SLC25A18: variants seen among roughly 807,000 people sequenced by gnomAD.
SLC25A18 encodes mitochondrial glutamate carrier 2.
In SLC25A18, 24 loss-of-function variants were observed where a neutral mutation model predicts 31.1. That is an observed-to-expected ratio of 0.77 (90% CI 0.56 to 1.08). The LOEUF (loss-of-function observed/expected upper bound fraction) is 1.08, where lower values mean the gene tolerates loss of function less well. SLC25A18 is among the 50% of genes least tolerant of loss of function. The pLI is 0.00. For synonymous variants in SLC25A18, 173 were observed against 161.9 expected, an observed-to-expected ratio of 1.07 and a Z score of -0.52; for missense variants, 371 against 418.5, an observed-to-expected ratio of 0.89 and a Z score of 0.99.
chr22:17,579,745 G>C lies in SLC25A18; in HGVS notation c.-200G>C, dbSNP rs55824102. On this transcript the variant is annotated splice_region_variant and 5_prime_UTR_variant, in exon 3 of 11. Coordinates refer to ENST00000327451, the MANE Select transcript of SLC25A18 (RefSeq NM_031481.3). ...GAGTGTTTCTCTGACTACTTTGCAG[G>C]GGAGGAAGCCGCAGCCCAAGGAGGT... 22,130 of 1,387,776 alleles carry C rather than the reference G, an allele frequency of 0.016. 221 individuals carry two copies. Among genetic ancestry groups the C allele is most frequent in the Non-Finnish European group, 0.018 (19,411 of 1,072,356 alleles). The allele number at this position is 1,387,776 out of a possible 1,614,324, so 86.0% of individuals were successfully genotyped here.
At chr22:17,586,966 C>T (rs1040116257) in intron 7 of SLC25A18, among the ~76,000 whole-genome samples, 170 bp from the exon 8 acceptor site, 2 of 152,174 alleles carry the variant, frequency 1.3e-5, no homozygotes, top group Non-Finnish European at 2.9e-5. Context: ...GGAAGACGTC[C>T]TCAGAGCCAA....
At chr22:17,585,598 G>A (rs1021430417) in intron 7 of SLC25A18, among the ~76,000 whole-genome samples, 83 of 151,292 alleles carry the variant, frequency 5.5e-4, no homozygotes, top group African/African-American at 1.8e-3. Context: ...GGTTATTAAT[G>A]GGGCTCACAA....
In SLC25A18 at chr22:17,566,702, G is replaced by A. The variant is rs574364522; in HGVS notation, c.-264+2989G>A. ...GCTGGGATTACAGGCCCGAGCCACC[G>A]TGCCTGGCCCAGCCTGTCATTTTCT... On this transcript the variant is annotated intron_variant, in intron 1 of 10. Coordinates refer to ENST00000327451, the MANE Select transcript of SLC25A18 (RefSeq NM_031481.3). Among the ~76,000 whole-genome samples the A allele has an allele frequency of 1.3e-4, 20 of 152,206 alleles. No homozygotes were observed. In the South Asian group the frequency reaches 3.5e-3, roughly 27 times the overall value.
At chr22:17,576,711 G>A (rs927001240) in intron 2 of SLC25A18, among the ~76,000 whole-genome samples, 1 of 152,164 alleles carries the variant, frequency 6.6e-6, no homozygotes, top group East Asian at 1.9e-4. Context: ...ATAGGCCTGC[G>A]AAAGGGAACT....
intron 1 of SLC25A18, among the ~76,000 whole-genome samples, chr22:17,567,926 G>A (rs2146204049): frequency 6.6e-6 from 1 of 152,154 alleles, no homozygotes; most frequent in Non-Finnish European, 1.5e-5. Flanking sequence ...TGTCACGAGA[G>A]TATACTGAAC....
At chr22:17,567,622 A>G (rs2056970810) in intron 1 of SLC25A18, among the ~76,000 whole-genome samples, 2 of 84,432 alleles carry the variant, frequency 2.4e-5, no homozygotes, top group South Asian at 8.2e-4. Context: ...CCCAAATTAG[A>G]CAATTTGCCA....
intron 2 of SLC25A18, among the ~76,000 whole-genome samples, chr22:17,577,155 T>C (rs1300898320): frequency 6.6e-6 from 1 of 152,154 alleles, no homozygotes; most frequent in Non-Finnish European, 1.5e-5. Context: ...CCCAAGTAGC[T>C]GGGACGACAG....
chr22:17,581,036 G>C lies in SLC25A18; in HGVS notation c.21-1G>C, dbSNP rs1031193455. On this transcript the variant is annotated splice_acceptor_variant, in intron 3 of 10. Coordinates refer to ENST00000327451, the MANE Select transcript of SLC25A18 (RefSeq NM_031481.3). LOFTEE classifies it high-confidence loss of function. ...CTCCCCCTGTCCTCCCCCTGTCCTA[G>C]CATCACAGCCAAACTCATCAATGGA... The C allele has an allele frequency of 2.6e-5, 40 of 1,547,534 alleles. No homozygotes were observed. The highest frequency in any genetic ancestry group is 3.3e-5 in the Non-Finnish European group (38 of 1,144,124).
chr22:17,589,691 G>A lies in SLC25A18; in HGVS notation c.806+26G>A, dbSNP rs1345415354. On this transcript the variant is annotated intron_variant, in intron 10 of 10. Coordinates refer to ENST00000327451, the MANE Select transcript of SLC25A18 (RefSeq NM_031481.3). Reference sequence around the variant, plus strand: ...GTGAGAGCCAGTGTCCCCTCAAATGGTGGCTGGGACAGGTTCCTCTGCGTG... The same window carrying A: ...GTGAGAGCCAGTGTCCCCTCAAATGATGGCTGGGACAGGTTCCTCTGCGTG... 4 of 1,610,052 alleles carry A rather than the reference G, an allele frequency of 2.5e-6. No homozygotes were observed. The South Asian group carries it at 4.4e-5, about 18-fold the overall frequency.
chr22:17,584,471 GAAAGAA>G (rs774479241), intron 7 of SLC25A18, among the ~76,000 whole-genome samples: 124 of 123,846 alleles, frequency 1.0e-3, no homozygotes, highest in African/African-American at 2.0e-3. Context: ...GAGAGAGAGA[GAAAGAA>G]AGAAAGAAAG....
At position 17,587,958 on chromosome 22, in the gene SLC25A18, G is replaced by C. The variant is rs767126198; in HGVS notation, c.609G>C (p.Leu203=). 2 of 1,614,170 alleles carry C rather than the reference G, an allele frequency of 1.2e-6. No homozygotes were observed. The highest frequency in any genetic ancestry group is 2.7e-5 in the African/African-American group (2 of 75,046). The change falls in exon 9 of 11, where the codon CTG becomes CTC. Residue 203 remains leucine (L), a synonymous_variant. Transcript: ENST00000327451. ...CTTTCTCCATCATCTACTTCCCACT[G>C]TTTGCCAACCTTAACAACCTGGGGT... is the stretch of plus-strand genomic sequence containing the variant. The part of the protein sequence containing the change: ...DIPFSIIYFP[L]FANLNNLGFN...
At chr22:17,576,086 G>A (rs1806515776) in intron 2 of SLC25A18, among the ~76,000 whole-genome samples, 1 of 152,190 alleles carries the variant, frequency 6.6e-6, no homozygotes, top group Non-Finnish European at 1.5e-5. Context: ...GGGCATGGTG[G>A]CTCATGCCTG....
intron 4 of SLC25A18, 55 bp downstream of exon 4, chr22:17,581,214 C>A: frequency 1.3e-6 from 2 of 1,568,844 alleles, no homozygotes; most frequent in Non-Finnish European, 1.7e-6. Context: ...AGGGATGGGG[C>A]CCCCTTCCCT....
In SLC25A18 at chr22:17,585,647, A is replaced by AT. The variant is rs1449640998; in HGVS notation, c.410-1487dup. On this transcript the variant is annotated intron_variant, in intron 7 of 10. Coordinates refer to ENST00000327451, the MANE Select transcript of SLC25A18 (RefSeq NM_031481.3). ...TATTATTTATTTTATTATTATTATT[A>AT]TTATTTTTTTTTTTTTTTTGAGGCA... Among the ~76,000 whole-genome samples, 852 of 138,296 alleles carry AT rather than the reference A, an allele frequency of 6.2e-3. 8 individuals carry two copies. Among genetic ancestry groups the AT allele is most frequent in the African/African-American group, 0.013 (441 of 34,490 alleles). The allele number at this position is 138,296 out of a possible 152,430, so 90.7% of individuals were successfully genotyped here. A position where few individuals can be genotyped will look rare whatever the true frequency, so the allele number is the denominator to read the frequency against.
At chr22:17,585,647 A>ATTTTT (rs1449640998) in intron 7 of SLC25A18, among the ~76,000 whole-genome samples, 7 of 138,392 alleles carry the variant, frequency 5.1e-5, no homozygotes, top group African/African-American at 2.0e-4. Flanking sequence ...TATTATTATT[A>ATTTTT]TTATTTTTTT....
intron 1 of SLC25A18, chr22:17,569,546 G>A (rs1291512722): frequency 1.1e-6 from 1 of 924,660 alleles, no homozygotes; most frequent in Non-Finnish European, 1.3e-6. Flanking sequence ...CAAATGTCTT[G>A]CAAAAGTGTT....
At chr22:17,573,023 G>GGATC (rs1601282075) in intron 2 of SLC25A18, among the ~76,000 whole-genome samples, 1 of 152,132 alleles carries the variant, frequency 6.6e-6, no homozygotes, top group East Asian at 1.9e-4. Context: ...TGAGGCGGGA[G>GGATC]GATCCCTTGA....
chr22:17,590,022 G>A (rs2057674256), intron 10 of SLC25A18, 73 bp from the exon 11 acceptor site: 1 of 1,586,676 alleles, frequency 6.3e-7, no homozygotes, highest in East Asian at 2.2e-5. Context: ...GTGCACAAAT[G>A]GAGAGGCTGC....
intron 2 of SLC25A18, among the ~76,000 whole-genome samples, chr22:17,577,832 A>T (rs1216229109): frequency 6.6e-6 from 1 of 150,576 alleles, no homozygotes; most frequent in African/African-American, 2.4e-5. Flanking sequence ...TCCCGCCACC[A>T]TGCCCAGCCA....
Sources: allele counts gnomAD v4.1 joint callset (sites outside exome capture counted in the v4.1 genomes callset), GRCh38; gene constraint gnomAD v4.1.1; transcripts MANE v1.5; gene names NCBI Gene and HGNC (gene_info 2026-07-23, HGNC 2026-07-21).